Variants in NEBL observed in about 807,000 individuals in gnomAD.
NEBL encodes nebulette.
NEBL carries 122 observed loss-of-function variants against 140.2 expected under a neutral mutation model. The ratio of observed to expected loss-of-function variants is 0.87; its 90% CI spans 0.75 to 1.01. The LOEUF (loss-of-function observed/expected upper bound fraction) is 1.01. Ranked by LOEUF, NEBL falls within the 50% of genes least tolerant of loss-of-function variation. NEBL has a pLI of 0.00. For missense variants in NEBL, 1,365 were observed against 1,231.3 expected, an observed-to-expected ratio of 1.11 and a Z score of -1.62; for synonymous variants, 436 against 398.9, an observed-to-expected ratio of 1.09 and a Z score of -1.11.
At chr10:20,975,126 G>A (rs1836735225) in intron 3 of NEBL, among the ~76,000 whole-genome samples, 1 of 152,134 alleles carries the variant, frequency 6.6e-6, no homozygotes. Context: ...AATGACATAG[G>A]ACCATTCTTT....
chr10:21,203,993 T>C (rs1166055120), intron 3 of NEBL, among the ~76,000 whole-genome samples: 1 of 152,204 alleles, frequency 6.6e-6, no homozygotes, highest in African/African-American at 2.4e-5. Context: ...TAAGCCTATC[T>C]ACCCAGTCAG....
At chr10:20,904,059 AAATAG>A (rs1847987682) in intron 4 of NEBL, among the ~76,000 whole-genome samples, 4 of 151,996 alleles carry the variant, frequency 2.6e-5, no homozygotes, top group Admixed American at 2.6e-4. Flanking sequence ...ACTAGTAATA[AAATAG>A]AATAATTATA....
chr10:21,015,905 T>C (rs192486539), intron 3 of NEBL, among the ~76,000 whole-genome samples: 64 of 152,366 alleles, frequency 4.2e-4, no homozygotes, highest in African/African-American at 1.4e-3. Flanking sequence ...TCCAAAACTT[T>C]TGTTTCTAAG....
chr10:21,044,407 A>T (rs1397266698), intron 2 of NEBL, among the ~76,000 whole-genome samples: 17 of 146,410 alleles, frequency 1.2e-4, no homozygotes, highest in African/African-American at 4.2e-4. Flanking sequence ...TAAAAAAAAA[A>T]AAAAAAAAAA....
chr10:20,869,911 T>C, intron 5 of NEBL, 70 bp from the exon 6 acceptor site: 2 of 1,012,814 alleles, frequency 2.0e-6, no homozygotes, highest in Non-Finnish European at 3.1e-6. Context: ...GTCTTAGTGT[T>C]CATAACATTA....
At chr10:21,134,841 G>A (rs796489762) in intron 2 of NEBL, among the ~76,000 whole-genome samples, 3 of 152,278 alleles carry the variant, frequency 2.0e-5, no homozygotes, top group African/African-American at 7.2e-5. Context: ...TCTTCCCCTG[G>A]AAGGTACGCT....
At chr10:20,857,034 G>T (rs1009428776) in intron 9 of NEBL, among the ~76,000 whole-genome samples, 4 of 152,052 alleles carry the variant, frequency 2.6e-5, no homozygotes, top group African/African-American at 7.2e-5. Flanking sequence ...TCACCATGTT[G>T]GCCAGGCTAG....
intron 3 of NEBL, among the ~76,000 whole-genome samples, chr10:21,186,689 A>G (rs1380718315): frequency 6.7e-5 from 10 of 149,808 alleles, no homozygotes; most frequent in Admixed American, 5.3e-4. Flanking sequence ...TTCATCAGCT[A>G]TCGTTAGCGT....
chr10:20,946,789 C>G (rs556255764), intron 4 of NEBL, among the ~76,000 whole-genome samples: 1 of 152,166 alleles, frequency 6.6e-6, no homozygotes, highest in Admixed American at 6.5e-5. Context: ...GGGGTAGAGT[C>G]TTAATATCAG....
rs553253341 is a variant in NEBL at position 20,936,166 on chromosome 10, C to T, written c.357+25506G>A. 2.6e-5 allele frequency among the ~76,000 whole-genome samples: 4 copies of T among 152,254 alleles called. No individual in the cohort carries two copies. In the East Asian group the frequency reaches 5.8e-4, roughly 22 times the overall value. ...TAACAAAACTACCAATTATTAAGCACAATGACAAATCTTTTACTCATATTC... is the reference window on the plus strand; with the variant it reads ...TAACAAAACTACCAATTATTAAGCATAATGACAAATCTTTTACTCATATTC... On this transcript the variant is annotated intron_variant, in intron 4 of 6. Coordinates refer to the NEBL transcript ENST00000417816.
intron 5 of NEBL, among the ~76,000 whole-genome samples, chr10:20,875,772 G>A (rs950950095): frequency 1.3e-5 from 2 of 152,122 alleles, no homozygotes; most frequent in African/African-American, 4.8e-5. Context: ...AGTCTGCATG[G>A]GCAGACAGAC....
At chr10:21,162,512 C>T (rs527772486) in intron 2 of NEBL, among the ~76,000 whole-genome samples, 23 of 152,262 alleles carry the variant, frequency 1.5e-4, no homozygotes, top group African/African-American at 2.6e-4. Context: ...AATTGCATTG[C>T]GGTATTGTAA....
chr10:20,809,771 C>G, intron 25 of NEBL, 35 bp downstream of exon 25: 1 of 1,466,326 alleles, frequency 6.8e-7, no homozygotes, highest in Non-Finnish European at 9.6e-7. Context: ...GGGACAAAAC[C>G]ACATAAATGG....
At chr10:20,878,827 A>C (rs1304295662) in intron 5 of NEBL, among the ~76,000 whole-genome samples, 1 of 152,178 alleles carries the variant, frequency 6.6e-6, no homozygotes, top group Admixed American at 6.6e-5. Flanking sequence ...AGGGCTTTAT[A>C]CTCTATTCCC....
At chr10:20,816,159 C>T (rs924384502) in intron 21 of NEBL, among the ~76,000 whole-genome samples, 4 of 152,134 alleles carry the variant, frequency 2.6e-5, no homozygotes, top group African/African-American at 7.2e-5. Context: ...AAAATGCTGG[C>T]ATCTTAAATC....
At chr10:21,141,334 A>G (rs1839623780) in intron 2 of NEBL, among the ~76,000 whole-genome samples, 1 of 152,238 alleles carries the variant, frequency 6.6e-6, no homozygotes, top group Non-Finnish European at 1.5e-5. Context: ...TAGGAAATAC[A>G]CAGTGCATTA....
chr10:21,166,667 G>T (rs1011937745), intron 2 of NEBL, among the ~76,000 whole-genome samples: 1 of 152,128 alleles, frequency 6.6e-6, no homozygotes, highest in Non-Finnish European at 1.5e-5. Context: ...GTATTACTGT[G>T]CCCATTTGAC....
intron 11 of NEBL, 127 bp from the exon 12 acceptor site, chr10:20,845,495 C>G: frequency 1.6e-6 from 1 of 629,350 alleles, no homozygotes; most frequent in Non-Finnish European, 2.8e-6. Flanking sequence ...GAGGGTCATC[C>G]TATCAACAGG....
At chr10:20,952,194 T>C (rs1835506888) in intron 4 of NEBL, among the ~76,000 whole-genome samples, 4 of 152,302 alleles carry the variant, frequency 2.6e-5, no homozygotes, top group South Asian at 2.1e-4. Flanking sequence ...CCCAGGACTT[T>C]GGGAAACCGA....
Sources: gnomAD v4.1 joint callset for allele counts (sites outside exome capture counted in the v4.1 genomes callset) on GRCh38, gnomAD v4.1.1 for gene constraint, MANE v1.5 for transcripts, NCBI Gene and HGNC (gene_info 2026-07-23, HGNC 2026-07-21) for gene names.